Variants in TPRA1 observed in about 807,000 individuals in gnomAD.
The protein encoded by TPRA1 is transmembrane protein adipocyte associated 1.
In TPRA1, 28 loss-of-function variants were observed where a neutral mutation model predicts 40.1. That is an observed-to-expected ratio of 0.70 (90% CI 0.52 to 0.96). TPRA1 has a LOEUF of 0.96. TPRA1 is among the 40% of genes least tolerant of loss of function. TPRA1 has a pLI of 0.00. For missense variants in TPRA1, 441 were observed against 482.6 expected (o/e 0.91, Z 0.81); for synonymous variants, 219 against 209.7 (o/e 1.04, Z -0.38).
Position 127,575,225 on chromosome 3 carries a change from CGAA to C in TPRA1, c.811_813del (p.Phe271del), listed in dbSNP as rs1389579971. ...AGGAAAGCCACGTAGATGAGCGGAGCGAAGAAGCTGAAGTACAGGAAGGTTGTG... is the reference window on the plus strand; with the variant it reads ...AGGAAAGCCACGTAGATGAGCGGAGCGAAGCTGAAGTACAGGAAGGTTGTG... On this transcript the variant is annotated inframe_deletion, in exon 10 of 11. Transcript: ENST00000355552. The C allele has an allele frequency of 6.2e-7, 1 of 1,614,028 alleles. No individual in the cohort carries two copies. Among genetic ancestry groups the C allele is most frequent in the Admixed American group, 1.7e-5 (1 of 60,024 alleles).
chr3:127,588,503 C>T (rs1204644559), intron 1 of TPRA1, among the ~76,000 whole-genome samples: 2 of 151,460 alleles, frequency 1.3e-5, no homozygotes, highest in East Asian at 1.9e-4. Flanking sequence ...TCACTGCAAC[C>T]TCCGCCTCCT....
rs1019441938 is a variant in TPRA1 at position 127,573,378 on chromosome 3, G to T, written c.*143C>A. The T allele has an allele frequency of 6.3e-6, 7 of 1,113,222 alleles. No homozygotes were observed. In the African/African-American group the frequency reaches 1.1e-4, roughly 18 times the overall value. 69.0% of individuals were successfully genotyped at this position (1,113,222 alleles called of 1,614,324 possible). A position where few individuals can be genotyped will look rare whatever the true frequency, so the allele number is the denominator to read the frequency against. The stretch of plus-strand genomic sequence containing the variant: ...GGGGATTGGGAGCCCCAGGGAGGTG[G>T]GGCCTCCAGACTCATGGTGGGAACA... On this transcript the variant is annotated 3_prime_UTR_variant, in exon 11 of 11. Transcript: ENST00000355552.
chr3:127,581,230 G>A (rs2073820486), intron 1 of TPRA1, among the ~76,000 whole-genome samples: 1 of 152,226 alleles, frequency 6.6e-6, no homozygotes, highest in Admixed American at 6.5e-5. Context: ...CTGTGACTCT[G>A]CTTCACCAGG....
chr3:127,576,019 T>C lies in TPRA1; in HGVS notation c.530A>G (p.His177Arg). 2 of 1,614,034 alleles carry C rather than the reference T, an allele frequency of 1.2e-6. No homozygotes were observed. The highest frequency in any genetic ancestry group is 1.7e-6 in the Non-Finnish European group (2 of 1,180,024). Residue 177 changes from histidine (H) to arginine (R), a missense_variant, in exon 7 of 11, where the codon CAT becomes CGT. By Grantham distance (29) the His-to-Arg change is conservative. Transcript: ENST00000355552. The surrounding 1 kb of genome is among the most constrained non-coding windows in gnomAD (Gnocchi z 4.6). ...GATATTAAAGTCCTCAGCTGAGAGA[T>C]GGGCATCAGGGTACAGGATCTCCAG... ...GTLEILYPDAHLSAEDFNIYG... is the reference protein window; with the variant it reads ...GTLEILYPDARLSAEDFNIYG...
Position 127,590,487 on chromosome 3 carries a change from G to A in TPRA1, c.-95C>T, listed in dbSNP as rs969548134. The A allele has an allele frequency of 1.3e-5, 2 of 152,310 alleles. No individual in the cohort carries two copies. Among genetic ancestry groups the A allele is most frequent in the Admixed American group, 6.5e-5 (1 of 15,290 alleles). The allele number at this position is 152,310 out of a possible 1,614,324, so 9.4% of individuals were successfully genotyped here. A position where few individuals can be genotyped will look rare whatever the true frequency, so the allele number is the denominator to read the frequency against. Reference sequence around the variant, plus strand: ...CATCCGCCGCCACTGGGTGTGCGCGGATCCAGCACAGGCCGCGGGACTCCG... The same window carrying A: ...CATCCGCCGCCACTGGGTGTGCGCGAATCCAGCACAGGCCGCGGGACTCCG... On this transcript the variant is annotated 5_prime_UTR_variant, in exon 1 of 11. Transcript: ENST00000355552.
intron 1 of TPRA1, among the ~76,000 whole-genome samples, chr3:127,582,961 T>G (rs2073879343): frequency 6.6e-6 from 1 of 151,320 alleles, no homozygotes; most frequent in Non-Finnish European, 1.5e-5. Flanking sequence ...CTGACCAACA[T>G]GGAAAAACCC....
In TPRA1 at chr3:127,579,745, T is replaced by G; in HGVS notation, c.253A>C (p.Ile85Leu). Residue 85 changes from isoleucine (I) to leucine (L), a missense_variant, in exon 3 of 11, where the codon ATC (isoleucine) becomes CTC (leucine). Transcript: ENST00000355552. ...GTCAACTGCAGTGAACTCACCAGGATGTAGAAGGTGATAAAAATGGGGCTG... is the reference window on the plus strand; with the variant it reads ...GTCAACTGCAGTGAACTCACCAGGAGGTAGAAGGTGATAAAAATGGGGCTG... ...TSSPIFITFY[I>L]LVFVVALVGI... 1 of 1,614,092 alleles carries G rather than the reference T, an allele frequency of 6.2e-7. No homozygotes were observed.
chr3:127,596,769 C>T lies in TPRA1; in HGVS notation c.-390-1079G>A, dbSNP rs529218987. Among the ~76,000 whole-genome samples, 3 of 152,300 alleles carry T rather than the reference C, an allele frequency of 2.0e-5. No individual in the cohort carries two copies. The South Asian group carries it at 6.2e-4, about 32-fold the overall frequency. ...ATCATCCACCTAGCTAAGCCAGGAT[C>T]CTGGTGTCATCCTGCATGCCTCTTT... is the stretch of plus-strand genomic sequence containing the variant. On this transcript the variant is annotated intron_variant, in intron 1 of 3. Transcript: ENST00000462228.
exon 1 of TPRA1, chr3:127,598,121 G>A (rs182321666): frequency 7.4e-6 from 3 of 406,904 alleles, no homozygotes; most frequent in Non-Finnish European, 1.4e-5. Context: ...TGTCTTGTCA[G>A]CAAAATGGCC....
intron 1 of TPRA1, among the ~76,000 whole-genome samples, chr3:127,586,931 C>T (rs1207860979): frequency 6.6e-6 from 1 of 152,180 alleles, no homozygotes; most frequent in East Asian, 1.9e-4. Context: ...TTTGCCTGCC[C>T]AGCATCCAGG....
intron 1 of TPRA1, among the ~76,000 whole-genome samples, chr3:127,586,141 T>C (rs2073993132): frequency 6.6e-6 from 1 of 152,152 alleles, no homozygotes; most frequent in Admixed American, 6.5e-5. Flanking sequence ...GTGTGGGGTG[T>C]CCAGAACTGT....
chr3:127,578,696 G>A (rs968677259), intron 3 of TPRA1, among the ~76,000 whole-genome samples: 1 of 152,180 alleles, frequency 6.6e-6, no homozygotes, highest in Admixed American at 6.6e-5. Context: ...CCATCTTGTA[G>A]GTGTGAGGGA....
At chr3:127,591,386 C>A (rs1454253885), upstream of TPRA1, among the ~76,000 whole-genome samples, 3 of 152,230 alleles carry the variant, frequency 2.0e-5, no homozygotes, top group African/African-American at 7.2e-5. Flanking sequence ...ACCAAAGCCG[C>A]GCAATGAGGA....
At chr3:127,578,054 T>C (rs1370290077) in intron 3 of TPRA1, among the ~76,000 whole-genome samples, 2 of 152,196 alleles carry the variant, frequency 1.3e-5, no homozygotes, top group African/African-American at 4.8e-5. Flanking sequence ...GCAGCACTGC[T>C]GTGCCCCCAA....
rs761131476 is a variant in TPRA1 at position 127,580,044 on chromosome 3, A to G, written c.103T>C (p.Tyr35His). 3 of 1,613,830 alleles carry G rather than the reference A, an allele frequency of 1.9e-6. No individual in the cohort carries two copies. The South Asian group carries it at 3.3e-5, about 18-fold the overall frequency. ...SVPHRCLLLLYEDIGTSRVRY... is the reference protein window; with the variant it reads ...SVPHRCLLLLHEDIGTSRVRY... ...CACCTGGAGGTGCCAATGTCTTCGTAGAGCAGCAGCAGGCAGCGATGAGGC... is the reference window on the plus strand; with the variant it reads ...CACCTGGAGGTGCCAATGTCTTCGTGGAGCAGCAGCAGGCAGCGATGAGGC... The change falls in exon 2 of 11, where the codon TAC becomes CAC. Residue 35 changes from tyrosine (Y) to histidine (H), a missense_variant. Transcript: ENST00000355552.
At chr3:127,593,472 G>A (rs2074211688), upstream of TPRA1, among the ~76,000 whole-genome samples, 1 of 152,176 alleles carries the variant, frequency 6.6e-6, no homozygotes, top group Non-Finnish European at 1.5e-5. Flanking sequence ...ATCCTGTGTA[G>A]TAAACAAAAT....
At position 127,576,611 on chromosome 3, in the gene TPRA1, T is replaced by A; in HGVS notation, c.498+6A>T. Reference sequence around the variant, plus strand: ...TAGCGTCCCCTGCCCACACTCACCCTCTTACCTGGGTGACAGAGTAGGCCA... The same window carrying A: ...TAGCGTCCCCTGCCCACACTCACCCACTTACCTGGGTGACAGAGTAGGCCA... On this transcript the variant is annotated splice_donor_region_variant and intron_variant, in intron 6 of 10. Transcript: ENST00000355552. This position sits in a 1 kb window ranked among gnomAD's most constrained non-coding sequence, Gnocchi z 4.6. 1 of 1,597,654 alleles carries A rather than the reference T, an allele frequency of 6.3e-7. No individual in the cohort carries two copies. Among genetic ancestry groups the A allele is most frequent in the Non-Finnish European group, 8.5e-7 (1 of 1,171,890 alleles).
At chr3:127,580,325 C>T (rs2073792431) in intron 1 of TPRA1, 162 bp from the exon 2 acceptor site, 5 of 753,224 alleles carry the variant, frequency 6.6e-6, no homozygotes, top group Non-Finnish European at 4.1e-6. Context: ...CCACACAGGT[C>T]ACGACCCAAT....
intron 3 of TPRA1, 117 bp downstream of exon 3, chr3:127,579,620 TATC>T (rs747757691): frequency 2.7e-6 from 3 of 1,130,466 alleles, no homozygotes; most frequent in Non-Finnish European, 1.3e-6. Context: ...ATCCTAACGA[TATC>T]ATTTAACTGC....
Sources: gnomAD v4.1 joint callset for allele counts (sites outside exome capture counted in the v4.1 genomes callset) on GRCh38, gnomAD v4.1.1 for gene constraint, Gnocchi (gnomAD v3.1) non-coding constraint, MANE v1.5 for transcripts, NCBI Gene and HGNC (gene_info 2026-07-23, HGNC 2026-07-21) for gene names.